The following CPM variants were observed in gnomAD, a reference collection of about 807,000 sequenced individuals.
CPM encodes carboxypeptidase M, also known as renal carboxypeptidase.
CPM carries 35 observed loss-of-function variants against 46.4 expected under a neutral mutation model. The observed-to-expected ratio is 0.75, with a 90% CI of 0.58 to 1.00. CPM has a LOEUF of 1.00. Ranked by LOEUF, CPM falls within the 50% of genes least tolerant of loss-of-function variation. The pLI, the probability that CPM is intolerant of heterozygous loss-of-function variation, is 0.00. For synonymous variants in CPM, 195 were observed against 195.3 expected (o/e 1.00, Z 0.01); for missense variants, 422 against 530.4 (o/e 0.80, Z 2.01).
chr12:68,846,996 T>C (rs1565756514), downstream of CPM: 1 of 151,292 alleles, frequency 6.6e-6, no homozygotes, highest in Non-Finnish European at 1.5e-5. Context: ...TTTTATTTGT[T>C]TTTTGCTGAG....
At chr12:68,907,804 C>T (rs913160619) in intron 2 of CPM, among the ~76,000 whole-genome samples, 5 of 148,844 alleles carry the variant, frequency 3.4e-5, no homozygotes, top group African/African-American at 1.2e-4. Context: ...CATCATTAAT[C>T]CAGGGCTGGG....
At chr12:68,918,487 C>T (rs960299198) in intron 2 of CPM, among the ~76,000 whole-genome samples, 1 of 152,138 alleles carries the variant, frequency 6.6e-6, no homozygotes, top group Non-Finnish European at 1.5e-5. Context: ...CCAAATCTGT[C>T]CTCTTCCAGT....
intron 3 of CPM, among the ~76,000 whole-genome samples, chr12:68,877,536 C>T (rs1162910305): frequency 1.3e-5 from 2 of 152,176 alleles, no homozygotes; most frequent in African/African-American, 4.8e-5. Context: ...CAATTACGCT[C>T]ATGACAGGGA....
At chr12:68,946,304 G>A (rs1288060707) in intron 1 of CPM, among the ~76,000 whole-genome samples, 2 of 151,948 alleles carry the variant, frequency 1.3e-5, no homozygotes, top group African/African-American at 4.8e-5. Context: ...ATTTATACTA[G>A]GCCTAATTGT....
rs766669468 is a variant in CPM at position 68,871,846 on chromosome 12, A to T, written c.369T>A (p.Pro123=). The change falls in exon 4 of 9, where the codon CCT becomes CCA. Residue 123 remains proline, a synonymous_variant. Transcript: ENST00000551568. ...CTTCAAATCCATCTGGGTTCATGGAAGGCATGATGTGTATCCGGGTACTAT... is the reference window on the plus strand; with the variant it reads ...CTTCAAATCCATCTGGGTTCATGGATGGCATGATGTGTATCCGGGTACTAT... ...LINSTRIHIM[P]SMNPDGFEAV... The T allele has an allele frequency of 3.7e-6, 6 of 1,614,188 alleles. No homozygotes were observed. The highest frequency in any genetic ancestry group is 5.1e-6 in the Non-Finnish European group (6 of 1,180,036).
chr12:68,896,637 T>C (rs1262867569), intron 2 of CPM, among the ~76,000 whole-genome samples: 1 of 152,180 alleles, frequency 6.6e-6, no homozygotes, highest in Non-Finnish European at 1.5e-5. Flanking sequence ...CCCAGTTTTC[T>C]AGATCAAATC....
rs188259178 is a variant in CPM, at chr12:68,875,182, C to T, written c.259-3226G>A. Among the ~76,000 whole-genome samples the T allele has an allele frequency of 7.4e-3, 1,129 of 152,054 alleles. 13 individuals are homozygous for T. Among genetic ancestry groups the T allele is most frequent in the African/African-American group, 0.026 (1,069 of 41,470 alleles). ...CCTGGGCAACATGGTAAAACCTCGT[C>T]TCTACTAAAAATACAAAAATTAGCC... On this transcript the variant is annotated intron_variant, in intron 3 of 8. Coordinates refer to ENST00000551568, the MANE Select transcript of CPM (RefSeq NM_198320.5).
At chr12:68,842,539 TA>T (rs1348430396) in intron 5 of CPM, 2 of 353,436 alleles carry the variant, frequency 5.7e-6, no homozygotes, top group Non-Finnish European at 1.1e-5. Flanking sequence ...ACAAAACAGA[TA>T]ATATGGATGT....
At chr12:68,914,734 C>A (rs1203301217) in intron 2 of CPM, among the ~76,000 whole-genome samples, 4 of 152,136 alleles carry the variant, frequency 2.6e-5, no homozygotes, top group Non-Finnish European at 5.9e-5. Flanking sequence ...GTCTCCTCAC[C>A]TATTGAAGTG....
intron 2 of CPM, among the ~76,000 whole-genome samples, chr12:68,923,438 A>G (rs1469807818): frequency 6.6e-6 from 1 of 152,122 alleles, no homozygotes; most frequent in Non-Finnish European, 1.5e-5. Context: ...CACCTTTTGG[A>G]TGCTGGCCAC....
At chr12:68,918,354 T>G (rs1887896431) in intron 2 of CPM, among the ~76,000 whole-genome samples, 1 of 152,180 alleles carries the variant, frequency 6.6e-6, no homozygotes, top group Non-Finnish European at 1.5e-5. Flanking sequence ...CTCCCAACTT[T>G]CTTTCTGCAG....
chr12:68,913,406 G>C (rs1565794031), intron 2 of CPM, among the ~76,000 whole-genome samples: 1 of 152,128 alleles, frequency 6.6e-6, no homozygotes, highest in Non-Finnish European at 1.5e-5. Context: ...GTGGGTGTGG[G>C]GAGGGCCAAC....
chr12:68,908,433 T>A (rs1163205915), intron 2 of CPM, among the ~76,000 whole-genome samples: 60 of 151,718 alleles, frequency 4.0e-4, no homozygotes, highest in Non-Finnish European at 8.1e-4. Flanking sequence ...CTCTTTTCTC[T>A]GGAGGTATCT....
At chr12:68,935,874 G>A (rs1308456005), upstream of CPM, among the ~76,000 whole-genome samples, 1 of 152,174 alleles carries the variant, frequency 6.6e-6, no homozygotes, top group Non-Finnish European at 1.5e-5. Context: ...AGAGAAGTAC[G>A]TGGACACTAT....
rs145994252 is a variant in CPM, at chr12:68,853,448, TAATTGGTTTAAATAAGCCTCC to T, written c.*2968_*2988del. On this transcript the variant is annotated 3_prime_UTR_variant, in exon 9 of 9. Transcript: ENST00000551568. ...CTGCTGCACAAATTACCAGATTTCA[TAATTGGTTTAAATAAGCCTCC>T]AATTTGTTTATATTTATTAACATGT... 5.8e-3 allele frequency: 880 copies of T among 152,322 alleles called. 16 individuals carry two copies. Among genetic ancestry groups the T allele is most frequent in the African/African-American group, 0.02 (843 of 41,572 alleles). The allele number at this position is 152,322 out of a possible 1,614,324, so 9.4% of individuals were successfully genotyped here.
At chr12:68,895,634 C>T (rs1356543029) in intron 2 of CPM, among the ~76,000 whole-genome samples, 2 of 152,058 alleles carry the variant, frequency 1.3e-5, no homozygotes, top group African/African-American at 4.8e-5. Flanking sequence ...GATAGGGGTT[C>T]CCAGAACCAT....
rs1007423589 is a variant in CPM at position 68,876,517 on chromosome 12, A to G, written c.259-4561T>C. On this transcript the variant is annotated intron_variant, in intron 3 of 8. Coordinates refer to ENST00000551568, the MANE Select transcript of CPM (RefSeq NM_198320.5). Reference sequence around the variant, plus strand: ...ACCCTGGAGAGTCCAAATTTTAAAAAAGAATGTGGTCAAAAGAGTCTCCAA... The same window carrying G: ...ACCCTGGAGAGTCCAAATTTTAAAAGAGAATGTGGTCAAAAGAGTCTCCAA... Among the ~76,000 whole-genome samples the G allele has an allele frequency of 6.6e-5, 10 of 152,226 alleles. 1 individual carries two copies. The highest frequency in any genetic ancestry group is 5.9e-4 in the Admixed American group (9 of 15,282).
At chr12:68,921,006 C>T (rs1482528188) in intron 2 of CPM, among the ~76,000 whole-genome samples, 1 of 151,848 alleles carries the variant, frequency 6.6e-6, no homozygotes, top group Non-Finnish European at 1.5e-5. Context: ...CTGGCCCCTG[C>T]TTAACTCTTG....
chr12:68,933,983 T>C (rs774065282), upstream of CPM, among the ~76,000 whole-genome samples: 1 of 152,146 alleles, frequency 6.6e-6, no homozygotes, highest in Non-Finnish European at 1.5e-5. Context: ...TCTGGAAGGA[T>C]GGCATGGTCT....
Sources: allele counts gnomAD v4.1 joint callset (sites outside exome capture counted in the v4.1 genomes callset), GRCh38; gene constraint gnomAD v4.1.1; transcripts MANE v1.5; gene names NCBI Gene and HGNC (gene_info 2026-07-23, HGNC 2026-07-21).